Variants in RGS7 observed in about 807,000 individuals in gnomAD.
The protein encoded by RGS7 is regulator of G protein signaling 7.
In RGS7, 27 loss-of-function variants were observed where a neutral mutation model predicts 81.1. The observed-to-expected ratio is 0.33, with a 90% CI of 0.25 to 0.46. The LOEUF (loss-of-function observed/expected upper bound fraction) is 0.46. Among genes scored for constraint, RGS7 ranks in the 20% least tolerant of loss-of-function variants. RGS7 has a pLI of 1.00. For missense variants in RGS7, 396 were observed against 607.4 expected, an observed-to-expected ratio of 0.65 and a Z score of 3.66; for synonymous variants, 208 against 207.7, an observed-to-expected ratio of 1.00 and a Z score of -0.01.
At chr1:240,813,591 G>A (rs1426581053) in intron 13 of RGS7, 27 bp downstream of exon 13, 1 of 1,342,722 alleles carries the variant, frequency 7.4e-7, no homozygotes. Flanking sequence ...AGCAACATAT[G>A]GGCGAGAAAG....
At chr1:241,251,591 C>T (rs2148215998) in intron 2 of RGS7, among the ~76,000 whole-genome samples, 1 of 152,000 alleles carries the variant, frequency 6.6e-6, no homozygotes, top group East Asian at 1.9e-4. Flanking sequence ...CTCACTGCAA[C>T]CTCCTTCTCC....
Position 240,806,290 on chromosome 1 carries a change from AG to A in RGS7, c.1118del (p.Pro373LeufsTer39). On this transcript the variant is annotated frameshift_variant, in exon 15 of 19. Transcript: ENST00000440928. LOFTEE classifies it high-confidence loss of function. ...GAACTCTTGAGGGTACTTCTTTAAT[AG>A]GCCTCTTTTTCAGGTCCTCCACTGC... The part of the protein sequence containing the change: ...WLAVEDLKKR[P>X]IKEVPSRVQE... 6.2e-7 allele frequency: 1 copy of A among 1,613,978 alleles called. No homozygotes were observed. Among genetic ancestry groups the A allele is most frequent in the Non-Finnish European group, 8.5e-7 (1 of 1,179,956 alleles).
At chr1:241,071,300 G>C (rs917853492) in intron 3 of RGS7, among the ~76,000 whole-genome samples, 4 of 152,046 alleles carry the variant, frequency 2.6e-5, no homozygotes, top group South Asian at 2.1e-4. Context: ...CACCTTTCAT[G>C]GCAGTGATTT....
rs1444316480 is a variant in RGS7 at position 241,000,577 on chromosome 1, C to T, written c.176-17448G>A. On this transcript the variant is annotated intron_variant, in intron 3 of 18. Transcript: ENST00000440928. ...TTTTTCAGCACTGAATGGTCCAGAACTGTACTGTTCAATATGTTAGCCACT... is the reference window on the plus strand; with the variant it reads ...TTTTTCAGCACTGAATGGTCCAGAATTGTACTGTTCAATATGTTAGCCACT... 9.9e-5 allele frequency among the ~76,000 whole-genome samples: 15 copies of T among 152,232 alleles called. No individual in the cohort carries two copies. The East Asian group carries it at 2.9e-3, about 29-fold the overall frequency.
chr1:241,194,129 C>A, intron 2 of RGS7, among the ~76,000 whole-genome samples: 1 of 152,138 alleles, frequency 6.6e-6, no homozygotes, highest in East Asian at 1.9e-4. Flanking sequence ...TCACCTACAC[C>A]AAACCTAAAT....
chr1:240,946,491 C>T (rs1572904377), intron 4 of RGS7, among the ~76,000 whole-genome samples: 1 of 151,994 alleles, frequency 6.6e-6, no homozygotes, highest in East Asian at 1.9e-4. Flanking sequence ...CCTGTGGTCC[C>T]AGGTACTTGG....
intron 3 of RGS7, among the ~76,000 whole-genome samples, chr1:241,027,381 T>C (rs2059847046): frequency 6.6e-6 from 1 of 152,196 alleles, no homozygotes; most frequent in African/African-American, 2.4e-5. Flanking sequence ...GTTTTAATTC[T>C]AACTGCAGTA....
chr1:240,996,229 T>C (rs1030363789), intron 3 of RGS7, among the ~76,000 whole-genome samples: 1 of 152,164 alleles, frequency 6.6e-6, no homozygotes, highest in Non-Finnish European at 1.5e-5. Context: ...TAGGGAATGT[T>C]TCATGGGAAC....
chr1:240,814,120 T>C (rs1288007153), intron 12 of RGS7, among the ~76,000 whole-genome samples: 6 of 152,226 alleles, frequency 3.9e-5, no homozygotes, highest in African/African-American at 1.2e-4. Context: ...TTGTCAAAAG[T>C]ATTTACAGGA....
intron 2 of RGS7, among the ~76,000 whole-genome samples, chr1:241,350,801 C>T (rs2083200582): frequency 6.7e-6 from 1 of 149,528 alleles, no homozygotes; most frequent in Non-Finnish European, 1.5e-5. Flanking sequence ...GGGATTTCGG[C>T]GAGAAACATC....
At chr1:240,810,304 T>G (rs1237811011) in intron 14 of RGS7, among the ~76,000 whole-genome samples, 1 of 152,212 alleles carries the variant, frequency 6.6e-6, no homozygotes, top group Non-Finnish European at 1.5e-5. Context: ...CTGGTAAGGC[T>G]TATTACTTAT....
intron 2 of RGS7, among the ~76,000 whole-genome samples, chr1:241,307,657 T>A (rs1263894754): frequency 2.6e-5 from 4 of 152,056 alleles, no homozygotes; most frequent in Non-Finnish European, 5.9e-5. Flanking sequence ...TATTTATAAA[T>A]CAGGTCAACA....
chr1:241,355,944 A>C lies in RGS7; in HGVS notation c.-50-118T>G, dbSNP rs969975099. On this transcript the variant is annotated intron_variant, in intron 1 of 18. Coordinates refer to ENST00000440928, the MANE Select transcript of RGS7 (RefSeq NM_001364886.1). ...CTTACAAACTGGGGCTGGCTGGAGA[A>C]AGTGACACAGGACATGGATTTTTTA... 6 of 677,698 alleles carry C rather than the reference A, an allele frequency of 8.9e-6. No homozygotes were observed. In the Admixed American group the frequency reaches 1.3e-4, roughly 14 times the overall value. 42.0% of individuals were successfully genotyped at this position (677,698 alleles called of 1,614,324 possible). A position where few individuals can be genotyped will look rare whatever the true frequency, so the allele number is the denominator to read the frequency against.
At chr1:241,254,334 T>C (rs922965567) in intron 2 of RGS7, among the ~76,000 whole-genome samples, 1 of 152,150 alleles carries the variant, frequency 6.6e-6, no homozygotes, top group Non-Finnish European at 1.5e-5. Context: ...GAAGAAATTT[T>C]CTTGAGCTGT....
At chr1:241,267,826 T>C (rs2077672120) in intron 2 of RGS7, among the ~76,000 whole-genome samples, 1 of 152,232 alleles carries the variant, frequency 6.6e-6, no homozygotes, top group South Asian at 2.1e-4. Flanking sequence ...CCGTTATCTC[T>C]CCAAGGATAT....
chr1:240,813,373 A>C lies in RGS7; in HGVS notation c.956+245T>G, dbSNP rs377065516. ...GAGCTGAAGATCCTAACTCTGACTAATTGCACCTCTAATTTTGGGACGGTC... is the reference window on the plus strand; with the variant it reads ...GAGCTGAAGATCCTAACTCTGACTACTTGCACCTCTAATTTTGGGACGGTC... On this transcript the variant is annotated intron_variant, in intron 13 of 18. Coordinates refer to ENST00000440928, the MANE Select transcript of RGS7 (RefSeq NM_001364886.1). 1.8e-4 allele frequency among the ~76,000 whole-genome samples: 28 copies of C among 152,342 alleles called. 2 individuals are homozygous for C. Among genetic ancestry groups the C allele is most frequent in the East Asian group, 5.8e-4 (3 of 5,188 alleles).
chr1:240,917,410 C>T (rs919425134), intron 6 of RGS7, among the ~76,000 whole-genome samples: 8 of 151,956 alleles, frequency 5.3e-5, no homozygotes, highest in Non-Finnish European at 7.4e-5. Context: ...AAAATGATAC[C>T]AGCAACAATG....
At chr1:241,002,209 G>A (rs1176064261) in intron 3 of RGS7, among the ~76,000 whole-genome samples, 75 of 152,086 alleles carry the variant, frequency 4.9e-4, no homozygotes, top group Admixed American at 4.8e-3. Context: ...CACTTTGGGA[G>A]GCCGAGGCGG....
chr1:241,274,911 G>C (rs4659594), intron 2 of RGS7, among the ~76,000 whole-genome samples: 5,660 of 152,266 alleles, frequency 0.037, 320 homozygotes, highest in South Asian at 0.21. Flanking sequence ...ATCACGACCA[G>C]AGTACTGACG....
Sources: gnomAD v4.1 joint callset for allele counts (sites outside exome capture counted in the v4.1 genomes callset) on GRCh38, gnomAD v4.1.1 for gene constraint, MANE v1.5 for transcripts, NCBI Gene and HGNC (gene_info 2026-07-23, HGNC 2026-07-21) for gene names.